The following LRSAM1 variants were observed in gnomAD, a reference collection of about 807,000 sequenced individuals.
The protein encoded by LRSAM1 is E3 ubiquitin-protein ligase LRSAM1.
Under a neutral mutation model 118.1 loss-of-function variants are expected in LRSAM1, and 96 were observed. The ratio of observed to expected loss-of-function variants is 0.81; its 90% CI spans 0.69 to 0.96. The LOEUF (loss-of-function observed/expected upper bound fraction) is 0.96. Among genes scored for constraint, LRSAM1 ranks in the 40% least tolerant of loss-of-function variants. The probability of loss-of-function intolerance (pLI) is 0.00; values close to 1 mark genes in which losing one functional copy is unlikely to be tolerated. For missense variants in LRSAM1, 804 were observed against 915.5 expected, an observed-to-expected ratio of 0.88 and a Z score of 1.57; for synonymous variants, 322 against 364.2, an observed-to-expected ratio of 0.88 and a Z score of 1.32.
intron 2 of LRSAM1, 183 bp downstream of exon 2, chr9:127,452,267 G>C (rs568193083): frequency 6.6e-6 from 1 of 152,568 alleles, no homozygotes; most frequent in East Asian, 1.9e-4. Context: ...CAGGAAGGGG[G>C]TGCAAGAGGG....
intron 24 of LRSAM1, among the ~76,000 whole-genome samples, chr9:127,499,528 C>CT (rs979810077): frequency 7.0e-5 from 6 of 85,890 alleles, no homozygotes; most frequent in Non-Finnish European, 1.6e-4. Context: ...AAGACCCTGT[C>CT]TAAAAAAAAA....
At position 127,479,591 on chromosome 9, in the gene LRSAM1, G is replaced by T. The variant is rs981629418; in HGVS notation, c.903+86G>T. ...CTTGGGCCAAGGTCCCTCGGATGTG[G>T]AAAGGCAGTGGGATGAAGCTGTCAC... On this transcript the variant is annotated intron_variant, in intron 13 of 25. Coordinates refer to ENST00000300417, the MANE Select transcript of LRSAM1 (RefSeq NM_001005373.4). The T allele has an allele frequency of 8.9e-5, 140 of 1,574,512 alleles. No individual in the cohort carries two copies. The African/African-American group carries it at 1.7e-3, about 19-fold the overall frequency.
In LRSAM1 at chr9:127,502,821, G is replaced by A. The variant is rs752678501; in HGVS notation, c.2094G>A (p.Gln698=). ...LNCGHVCCCQ[Q]CCQPLRTCPL... is the part of the protein sequence containing the mutation. ...GTGGCCACGTCTGCTGCTGCCAGCA[G>A]TGCTGCCAGCCACTGCGCACCTGCC... Residue 698 remains glutamine (Q), a synonymous_variant, in exon 26 of 26, where the codon CAG becomes CAA. Coordinates refer to ENST00000300417, the MANE Select transcript of LRSAM1 (RefSeq NM_001005373.4). The A allele has an allele frequency of 3.1e-6, 5 of 1,611,460 alleles. No homozygotes were observed. Among genetic ancestry groups the A allele is most frequent in the Admixed American group, 1.7e-5 (1 of 59,940 alleles).
In LRSAM1 at chr9:127,481,235, T is replaced by G. The variant is rs1367338267; in HGVS notation, c.1088+8T>G. The stretch of plus-strand genomic sequence containing the variant: ...ATCGCTGGAAAATGAAAGGTAAGTG[T>G]TCTTCCAGGGGAGGGCAGCATTTTT... On this transcript the variant is annotated splice_region_variant and intron_variant, in intron 15 of 25. Transcript: ENST00000300417. 6.2e-7 allele frequency: 1 copy of G among 1,612,986 alleles called. No individual in the cohort carries two copies. Among genetic ancestry groups the G allele is most frequent in the African/African-American group, 1.3e-5 (1 of 74,794 alleles).
intron 10 of LRSAM1, among the ~76,000 whole-genome samples, chr9:127,472,377 C>T (rs1436742645): frequency 6.6e-6 from 1 of 152,060 alleles, no homozygotes; most frequent in Non-Finnish European, 1.5e-5. Flanking sequence ...CATGGTGACT[C>T]ACACCTATAA....
At chr9:127,499,844 G>C (rs1312302284) in intron 24 of LRSAM1, among the ~76,000 whole-genome samples, 1 of 151,418 alleles carries the variant, frequency 6.6e-6, no homozygotes, top group Non-Finnish European at 1.5e-5. Context: ...AGAATCACTT[G>C]AATCCAGGAG....
chr9:127,466,506 T>TATATATATATATA (rs1331732184), intron 9 of LRSAM1, among the ~76,000 whole-genome samples: 3 of 35,134 alleles, frequency 8.5e-5, no homozygotes, highest in Non-Finnish European at 1.5e-4. Flanking sequence ...ATATATATAT[T>TATATATATATATA]TTTTTTTTTT....
At position 127,465,067 on chromosome 9, in the gene LRSAM1, CT is replaced by C. The variant is rs751408018; in HGVS notation, c.529-2671del. On this transcript the variant is annotated intron_variant, in intron 9 of 25. Coordinates refer to ENST00000300417, the MANE Select transcript of LRSAM1 (RefSeq NM_001005373.4). This position sits in a 1 kb window ranked among gnomAD's most constrained non-coding sequence, Gnocchi z 4.1. ...GTTCAGGCCGTACTGTGGGCAAGAT[CT>C]TCAGGTGTCACGCACGCCACCCACC... Among the ~76,000 whole-genome samples the C allele has an allele frequency of 2.0e-5, 3 of 151,940 alleles. No individual in the cohort carries two copies. The highest frequency in any genetic ancestry group is 7.3e-5 in the African/African-American group (3 of 41,238).
chr9:127,462,363 G>T lies in LRSAM1; in HGVS notation c.518G>T (p.Arg173Leu). The T allele has an allele frequency of 6.2e-7, 1 of 1,613,890 alleles. No homozygotes were observed. Among genetic ancestry groups the T allele is most frequent in the South Asian group, 1.1e-5 (1 of 91,058 alleles). ...TTGCCGCAGATGCTGGCTCACGTTC[G>T]AACCCTGGAGGTAAATGGGAAGCTG... ...QRLPQMLAHV[R>L]TLEMLSLDAS... The change falls in exon 9 of 26, where the codon CGA becomes CTA. Residue 173 changes from arginine to leucine, a missense_variant. Physicochemically the swap from Arg to Leu is moderately radical, Grantham distance 102. Coordinates refer to ENST00000300417, the MANE Select transcript of LRSAM1 (RefSeq NM_001005373.4).
chr9:127,452,795 C>T (rs757468849), intron 2 of LRSAM1, among the ~76,000 whole-genome samples: 2 of 152,218 alleles, frequency 1.3e-5, no homozygotes, highest in Non-Finnish European at 2.9e-5. Flanking sequence ...CATCCCAAAG[C>T]CTGTGCTGCT....
chr9:127,498,654 AG>A (rs1271107331), intron 24 of LRSAM1, among the ~76,000 whole-genome samples: 1 of 152,206 alleles, frequency 6.6e-6, no homozygotes, highest in African/African-American at 2.4e-5. Flanking sequence ...GCCCATTGGC[AG>A]GGGAAGGGGC....
intron 24 of LRSAM1, among the ~76,000 whole-genome samples, chr9:127,500,358 C>CAAAAAAAAAAGAAAAAA (rs1836336993): frequency 1.1e-5 from 1 of 93,566 alleles, no homozygotes; most frequent in African/African-American, 4.1e-5. Context: ...GAGACTGTCT[C>CAAAAAAAAAAGAAAAAA]AAAAAAAAAA....
At chr9:127,489,799 G>A (rs1835866514) in intron 19 of LRSAM1, among the ~76,000 whole-genome samples, 1 of 152,238 alleles carries the variant, frequency 6.6e-6, no homozygotes, top group South Asian at 2.1e-4. Flanking sequence ...TGGTGCTGAT[G>A]TGTGGCTTTG....
chr9:127,472,970 C>G (rs1835228395), intron 10 of LRSAM1, among the ~76,000 whole-genome samples: 1 of 152,166 alleles, frequency 6.6e-6, no homozygotes, highest in Admixed American at 6.5e-5. Flanking sequence ...GGAAGAGGTC[C>G]CATCAGTCTC....
chr9:127,461,796 G>A (rs758212710), intron 8 of LRSAM1, among the ~76,000 whole-genome samples: 4 of 152,230 alleles, frequency 2.6e-5, no homozygotes, highest in South Asian at 2.1e-4. Context: ...CGCTCTGCTC[G>A]CCACACCCAG....
intron 12 of LRSAM1, 29 bp from the exon 13 acceptor site, chr9:127,479,354 T>C: frequency 6.2e-7 from 1 of 1,614,008 alleles, no homozygotes; most frequent in Middle Eastern, 1.7e-4. Flanking sequence ...GGGCCTGTGC[T>C]GACAGTCACC....
At chr9:127,487,402 G>A (rs1314206055) in intron 17 of LRSAM1, 1 of 404,666 alleles carries the variant, frequency 2.5e-6, no homozygotes, top group Admixed American at 3.5e-5. Flanking sequence ...CCACTTCCGG[G>A]GGGTGCTGGG....
intron 16 of LRSAM1, 33 bp from the exon 17 acceptor site, chr9:127,485,703 C>T: frequency 6.2e-7 from 1 of 1,609,074 alleles, no homozygotes; most frequent in Non-Finnish European, 8.5e-7. Flanking sequence ...AGCAGCCACT[C>T]CACTCAGCTG....
chr9:127,500,316 G>A (rs188948804), intron 24 of LRSAM1, among the ~76,000 whole-genome samples: 5 of 131,452 alleles, frequency 3.8e-5, no homozygotes, highest in Non-Finnish European at 7.8e-5. Context: ...AGCCGAGATC[G>A]CGCCACTGAA....
Sources: gnomAD v4.1 joint callset for allele counts (sites outside exome capture counted in the v4.1 genomes callset) on GRCh38, gnomAD v4.1.1 for gene constraint, Gnocchi (gnomAD v3.1) non-coding constraint, MANE v1.5 for transcripts, NCBI Gene and HGNC (gene_info 2026-07-23, HGNC 2026-07-21) for gene names.